Variants in SHISA9 observed in about 807,000 individuals in gnomAD.
The protein encoded by SHISA9 is shisa family member 9, also known as protein shisa-9.
Under a neutral mutation model 38.0 loss-of-function variants are expected in SHISA9, and 13 were observed. That is an observed-to-expected ratio of 0.34 (90% CI 0.22 to 0.54). The LOEUF (loss-of-function observed/expected upper bound fraction) is 0.54. Ranked by LOEUF, SHISA9 falls within the 20% of genes least tolerant of loss-of-function variation. The pLI is 0.91. For missense variants in SHISA9, 538 were observed against 575.8 expected, an observed-to-expected ratio of 0.93 and a Z score of 0.67; for synonymous variants, 275 against 242.0, an observed-to-expected ratio of 1.14 and a Z score of -1.27.
chr16:13,199,355 T>A (rs1320193536), intron 2 of SHISA9, among the ~76,000 whole-genome samples: 3 of 152,208 alleles, frequency 2.0e-5, no homozygotes, highest in Non-Finnish European at 2.9e-5. Flanking sequence ...TTGTTTGAAA[T>A]TTCTGCTGTA....
At chr16:13,554,158 C>T in the SHISA9 span, among the ~76,000 whole-genome samples, 2 of 152,092 alleles carry the variant, frequency 1.3e-5, no homozygotes, top group African/African-American at 4.8e-5. Context: ...CTGCCTCTTA[C>T]ATACAGAGTC....
chr16:12,977,615 C>T (rs866308389), intron 2 of SHISA9, among the ~76,000 whole-genome samples: 2 of 152,278 alleles, frequency 1.3e-5, no homozygotes, highest in Non-Finnish European at 2.9e-5. Context: ...GTACCTGTCA[C>T]CATGGAAAAT....
chr16:13,226,796 G>A (rs1224969133), intron 4 of SHISA9, among the ~76,000 whole-genome samples: 1 of 152,156 alleles, frequency 6.6e-6, no homozygotes, highest in Non-Finnish European at 1.5e-5. Context: ...TTGAACAGGG[G>A]TAACTGGTCT....
chr16:13,449,032 A>G, the SHISA9 span, among the ~76,000 whole-genome samples: 1 of 152,204 alleles, frequency 6.6e-6, no homozygotes. Context: ...GAAACCTTGG[A>G]AACAAACTAA....
At chr16:13,287,478 G>A in the SHISA9 span, among the ~76,000 whole-genome samples, 1 of 152,180 alleles carries the variant, frequency 6.6e-6, no homozygotes, top group South Asian at 2.1e-4. Flanking sequence ...AAAGATCACT[G>A]GCATGGAGTT....
At chr16:13,540,193 C>CCACACACACA in the SHISA9 span, among the ~76,000 whole-genome samples, 5 of 149,630 alleles carry the variant, frequency 3.3e-5, no homozygotes, top group African/African-American at 1.2e-4. Flanking sequence ...GCATACATGC[C>CCACACACACA]CACACACACA....
At chr16:13,403,677 A>G in the SHISA9 span, among the ~76,000 whole-genome samples, 1 of 152,252 alleles carries the variant, frequency 6.6e-6, no homozygotes, top group Admixed American at 6.5e-5. Flanking sequence ...GAAACACATT[A>G]TTAACATTAA....
intron 2 of SHISA9, among the ~76,000 whole-genome samples, chr16:12,934,679 A>G (rs2071505956): frequency 1.3e-5 from 2 of 152,272 alleles, no homozygotes; most frequent in Non-Finnish European, 2.9e-5. Context: ...CCCTATGGAC[A>G]TTTCAAAGTT....
chr16:13,450,974 A>G, the SHISA9 span, among the ~76,000 whole-genome samples: 6 of 152,164 alleles, frequency 3.9e-5, no homozygotes, highest in Admixed American at 6.6e-5. Flanking sequence ...CTTGGTACAC[A>G]TAACCCAGCT....
chr16:13,294,130 C>A, the SHISA9 span, among the ~76,000 whole-genome samples: 1 of 152,164 alleles, frequency 6.6e-6, no homozygotes, highest in African/African-American at 2.4e-5. Flanking sequence ...TATGCAATAT[C>A]CTGCTTGGTC....
chr16:13,445,595 G>A, the SHISA9 span, among the ~76,000 whole-genome samples: 6 of 152,186 alleles, frequency 3.9e-5, no homozygotes, highest in African/African-American at 1.4e-4. Flanking sequence ...GAAATGTTTG[G>A]TCTTAATTCA....
At chr16:13,228,034 A>C (rs2051296234) in intron 4 of SHISA9, among the ~76,000 whole-genome samples, 1 of 152,244 alleles carries the variant, frequency 6.6e-6, no homozygotes, top group Non-Finnish European at 1.5e-5. Context: ...TGTGCTGTGT[A>C]GCAGGTGTAT....
At chr16:13,356,394 A>G in the SHISA9 span, among the ~76,000 whole-genome samples, 1 of 152,196 alleles carries the variant, frequency 6.6e-6, no homozygotes, top group Non-Finnish European at 1.5e-5. Flanking sequence ...AAAAGAGCCT[A>G]AACGCTTCTG....
intron 2 of SHISA9, among the ~76,000 whole-genome samples, chr16:13,116,386 C>A (rs925263719): frequency 6.6e-6 from 1 of 152,154 alleles, no homozygotes; most frequent in Non-Finnish European, 1.5e-5. Context: ...TCTGAGACAG[C>A]TTGTCAGAGC....
At chr16:13,329,940 A>G in the SHISA9 span, among the ~76,000 whole-genome samples, 2 of 152,250 alleles carry the variant, frequency 1.3e-5, no homozygotes, top group East Asian at 3.8e-4. Flanking sequence ...GTCCCCCAGT[A>G]TCTTTGCCTT....
At chr16:13,536,258 A>G in the SHISA9 span, among the ~76,000 whole-genome samples, 9 of 152,098 alleles carry the variant, frequency 5.9e-5, no homozygotes, top group African/African-American at 7.2e-5. Context: ...CGGACTCCCA[A>G]AGTGCTGGGA....
At chr16:13,512,779 A>G in the SHISA9 span, among the ~76,000 whole-genome samples, 2 of 152,220 alleles carry the variant, frequency 1.3e-5, no homozygotes, top group Non-Finnish European at 2.9e-5. Flanking sequence ...TATTTAATAA[A>G]TGGTGTTGGG....
chr16:13,456,863 G>T, the SHISA9 span, among the ~76,000 whole-genome samples: 5 of 152,228 alleles, frequency 3.3e-5, no homozygotes, highest in African/African-American at 1.2e-4. Context: ...ATCACATGTT[G>T]ATGCCAGGAA....
rs536652253 is a variant in SHISA9 at position 12,984,370 on chromosome 16, C to A, written c.691+67555C>A. On this transcript the variant is annotated intron_variant, in intron 2 of 4. Transcript: ENST00000558583. ...AATTTCAGCTGCCTTTTACTTTACC[C>A]CCAAATATGAGCTCAGTTTGCTGAA... Among the ~76,000 whole-genome samples, 3 of 152,136 alleles carry A rather than the reference C, an allele frequency of 2.0e-5. No homozygotes were observed. The East Asian group carries it at 5.8e-4, about 29-fold the overall frequency.
Sources: allele counts gnomAD v4.1 joint callset (sites outside exome capture counted in the v4.1 genomes callset), GRCh38; gene constraint gnomAD v4.1.1; transcripts MANE v1.5; gene names NCBI Gene and HGNC (gene_info 2026-07-23, HGNC 2026-07-21).